Variants in ACTA2 observed in about 807,000 individuals in gnomAD.
The protein encoded by ACTA2 is actin alpha 2, smooth muscle.
A neutral mutation model predicts 39.5 loss-of-function variants in ACTA2; 12 were observed. The observed-to-expected ratio is 0.30, with a 90% CI of 0.19 to 0.49. The LOEUF (loss-of-function observed/expected upper bound fraction) is 0.49, where lower values mean the gene tolerates loss of function less well. Ranked by LOEUF, ACTA2 falls within the 20% of genes least tolerant of loss-of-function variation. The probability of loss-of-function intolerance (pLI) is 0.99; values close to 1 mark genes in which losing one functional copy is unlikely to be tolerated. For synonymous variants in ACTA2, 158 were observed against 180.6 expected, an observed-to-expected ratio of 0.88 and a Z score of 1.00; for missense variants, 236 against 498.8, an observed-to-expected ratio of 0.47 and a Z score of 5.02.
At chr10:88,976,138 T>C (rs77390431) in intron 1 of ACTA2, among the ~76,000 whole-genome samples, 14,495 of 152,176 alleles carry the variant, frequency 0.095, 829 homozygotes, top group Non-Finnish European at 0.14. Context: ...CTGGGCCACA[T>C]TGGAAGACTA....
At chr10:88,989,536 A>T (rs1336686873) in intron 1 of ACTA2, 1 of 543,446 alleles carries the variant, frequency 1.8e-6, no homozygotes, top group Non-Finnish European at 3.6e-6. Context: ...AGTCTACTGA[A>T]AGGTGGAACA....
intron 1 of ACTA2, among the ~76,000 whole-genome samples, chr10:88,970,642 T>C (rs1846418539): frequency 6.6e-6 from 1 of 152,134 alleles, no homozygotes; most frequent in South Asian, 2.1e-4. Context: ...AATAGTTTGC[T>C]GAGAATGATG....
At chr10:88,943,692 G>A (rs759334175) in intron 4 of ACTA2, 105 bp downstream of exon 4, 1 of 913,104 alleles carries the variant, frequency 1.1e-6, no homozygotes, top group Non-Finnish European at 1.8e-6. Context: ...TTAGTCTGTT[G>A]GTGGACTCCT....
chr10:88,980,139 G>T (rs565420165), intron 1 of ACTA2, among the ~76,000 whole-genome samples: 1 of 152,204 alleles, frequency 6.6e-6, no homozygotes, highest in Admixed American at 6.5e-5. Context: ...TTCTGGTCTG[G>T]ACAGAAATGA....
At position 88,981,360 on chromosome 10, in the gene ACTA2, C is replaced by T. The variant is rs1173140668; in HGVS notation, c.-24+9579G>A. 4.7e-5 allele frequency among the ~76,000 whole-genome samples: 7 copies of T among 149,274 alleles called. No individual in the cohort carries two copies. In the Admixed American group the frequency reaches 4.7e-4, roughly 10 times the overall value. On this transcript the variant is annotated intron_variant, in intron 1 of 4. Coordinates refer to the ACTA2 transcript ENST00000415557. Reference sequence around the variant, plus strand: ...TTGATAAATATTAGCCACTTATTAACCATCGGGTTAAGAGAGAAATGACTT... The same window carrying T: ...TTGATAAATATTAGCCACTTATTAATCATCGGGTTAAGAGAGAAATGACTT...
At chr10:88,951,018 G>A (rs532709214) in intron 1 of ACTA2, among the ~76,000 whole-genome samples, 5 of 152,034 alleles carry the variant, frequency 3.3e-5, no homozygotes, top group South Asian at 2.1e-4. Context: ...AATAATCAAC[G>A]TGTGGATTCC....
chr10:88,957,515 G>C (rs1846156090), upstream of ACTA2, among the ~76,000 whole-genome samples: 1 of 152,102 alleles, frequency 6.6e-6, no homozygotes, highest in Non-Finnish European at 1.5e-5. Context: ...TGCCTCTCCT[G>C]CCTTATCTAC....
chr10:88,974,894 A>T (rs1368958006), intron 1 of ACTA2: 2 of 152,234 alleles, frequency 1.3e-5, no homozygotes, highest in African/African-American at 2.4e-5. Context: ...CCTAAATGCT[A>T]GATCACTGTA....
At chr10:88,973,393 G>C in intron 1 of ACTA2, 1 of 1,393,254 alleles carries the variant, frequency 7.2e-7, no homozygotes, top group Non-Finnish European at 9.4e-7. Context: ...ATCTTTCATA[G>C]AGTTCCCGAT....
chr10:88,983,625 A>C (rs919331859), intron 1 of ACTA2, among the ~76,000 whole-genome samples: 2 of 147,458 alleles, frequency 1.4e-5, no homozygotes, highest in African/African-American at 2.5e-5. Context: ...AAAAAAAAAA[A>C]AAAAAAAAAA....
intron 1 of ACTA2, among the ~76,000 whole-genome samples, chr10:88,967,563 G>A (rs1846341820): frequency 6.6e-6 from 1 of 152,104 alleles, no homozygotes; most frequent in African/African-American, 2.4e-5. Flanking sequence ...CGTTACCTAA[G>A]CCCAAATTAT....
At chr10:88,944,528 T>C (rs79024318) in intron 3 of ACTA2, among the ~76,000 whole-genome samples, 4,661 of 152,342 alleles carry the variant, frequency 0.031, 115 homozygotes, top group South Asian at 0.085. Context: ...ACACTTTTAA[T>C]GCTTCTAGAG....
intron 1 of ACTA2, among the ~76,000 whole-genome samples, chr10:88,950,644 G>A (rs1218025540): frequency 6.6e-6 from 1 of 152,192 alleles, no homozygotes; most frequent in Non-Finnish European, 1.5e-5. Context: ...GATACATTTA[G>A]GACAACGAAG....
chr10:88,937,207 G>A (rs986241922), intron 8 of ACTA2, among the ~76,000 whole-genome samples: 20 of 152,196 alleles, frequency 1.3e-4, no homozygotes, highest in African/African-American at 4.6e-4. Context: ...GCATGTTTCA[G>A]TCTAGCACAC....
At chr10:88,939,984 C>A (rs756379022) in intron 6 of ACTA2, 2 of 459,876 alleles carry the variant, frequency 4.3e-6, no homozygotes, top group Admixed American at 3.4e-5. Flanking sequence ...CACACAGTAG[C>A]GGATCCTTTT....
At chr10:88,960,702 A>T (rs1321719659) in intron 1 of ACTA2, among the ~76,000 whole-genome samples, 5 of 123,592 alleles carry the variant, frequency 4.0e-5, no homozygotes, top group African/African-American at 1.4e-4. Flanking sequence ...GACACTTTAG[A>T]GCTACAATAC....
At chr10:88,969,494 G>A (rs1846384521) in intron 1 of ACTA2, among the ~76,000 whole-genome samples, 1 of 152,176 alleles carries the variant, frequency 6.6e-6, no homozygotes, top group South Asian at 2.1e-4. Context: ...GAGACTTTCA[G>A]AGCTTTAGGC....
At position 88,947,380 on chromosome 10, in the gene ACTA2, T is replaced by C. The variant is rs2133270221; in HGVS notation, c.136A>G (p.Met46Val). The change falls in exon 3 of 9, where the codon ATG (methionine) becomes GTG (valine). Residue 46 changes from methionine to valine, a missense_variant. Transcript: ENST00000224784. ...CTGTCTTTTTGTCCCATTCCCACCATCACCCCCTAAAAAGGTTCAACACAT... is the reference window on the plus strand; with the variant it reads ...CTGTCTTTTTGTCCCATTCCCACCACCACCCCCTAAAAAGGTTCAACACAT... ...IVGRPRHQGV[M>V]VGMGQKDSYV... 1 of 1,613,840 alleles carries C rather than the reference T, an allele frequency of 6.2e-7. No individual in the cohort carries two copies. The highest frequency in any genetic ancestry group is 1.1e-5 in the South Asian group (1 of 91,078).
chr10:88,990,528 C>T lies in ACTA2; in HGVS notation c.-24+411G>A, dbSNP rs183579520. 5.6e-5 allele frequency: 34 copies of T among 610,560 alleles called. No homozygotes were observed. The East Asian group carries it at 7.3e-4, about 13-fold the overall frequency. The allele number at this position is 610,560 out of a possible 1,614,324, so 37.8% of individuals were successfully genotyped here. On this transcript the variant is annotated intron_variant, in intron 1 of 4. Coordinates refer to the ACTA2 transcript ENST00000415557. The surrounding 1 kb of genome is among the most constrained non-coding windows in gnomAD (Gnocchi z 4.9). ...TCCTTCCTCACCCTGACTTCTCCCC[C>T]TCCCTACCCGCGCGCAGGCCAAGTT...
Sources: gnomAD v4.1 joint callset for allele counts (sites outside exome capture counted in the v4.1 genomes callset) on GRCh38, gnomAD v4.1.1 for gene constraint, Gnocchi (gnomAD v3.1) non-coding constraint, MANE v1.5 for transcripts, NCBI Gene and HGNC (gene_info 2026-07-23, HGNC 2026-07-21) for gene names.